Variants in AP2A1 observed in about 807,000 individuals in gnomAD.
AP2A1 encodes AP-2 complex subunit alpha-1.
A neutral mutation model predicts 107.3 loss-of-function variants in AP2A1; 21 were observed. That is an observed-to-expected ratio of 0.20 (90% CI 0.14 to 0.28). The LOEUF (loss-of-function observed/expected upper bound fraction) is 0.28. AP2A1 is among the 10% of genes least tolerant of loss of function. AP2A1 has a pLI of 1.00. For synonymous variants in AP2A1, 602 were observed against 564.8 expected (o/e 1.07, Z -0.93); for missense variants, 873 against 1,307.7 (o/e 0.67, Z 5.13).
intron 1 of AP2A1, among the ~76,000 whole-genome samples, chr19:49,772,260 T>TTTGTTTTG (rs2084569135): frequency 1.5e-5 from 2 of 130,512 alleles, no homozygotes; most frequent in African/African-American, 2.9e-5. Flanking sequence ...TTTTTTTTTT[T>TTTGTTTTG]TTTTTTTTTT....
chr19:49,797,970 C>T (rs138331849), intron 7 of AP2A1, among the ~76,000 whole-genome samples: 18 of 152,270 alleles, frequency 1.2e-4, no homozygotes, highest in African/African-American at 4.3e-4. Context: ...TCTGGACTAG[C>T]CCCCCTACAC....
In AP2A1 at chr19:49,778,465, C is replaced by A. The variant is rs371266475; in HGVS notation, c.68-3292C>A. Among the ~76,000 whole-genome samples the A allele has an allele frequency of 1.1e-4, 16 of 152,282 alleles. 2 individuals carry two copies. Among genetic ancestry groups the A allele is most frequent in the Admixed American group, 9.8e-4 (15 of 15,290 alleles). On this transcript the variant is annotated intron_variant, in intron 1 of 22. Transcript: ENST00000354293. Reference sequence around the variant, plus strand: ...GGGTGTGGTGACGCATGCCTGTCATCCCAGCTACTCAGGAGGCTGAGGTAG... The same window carrying A: ...GGGTGTGGTGACGCATGCCTGTCATACCAGCTACTCAGGAGGCTGAGGTAG...
Position 49,805,679 on chromosome 19 carries a change from G to C in AP2A1, c.2487G>C (p.Gln829His), listed in dbSNP as rs1252824900. The C allele has an allele frequency of 1.3e-6, 2 of 1,564,174 alleles. No homozygotes were observed. Among genetic ancestry groups the C allele is most frequent in the Non-Finnish European group, 1.7e-6 (2 of 1,155,324 alleles). Residue 829 changes from glutamine (Q) to histidine (H), a missense_variant, in exon 20 of 23, where the codon CAG (glutamine) becomes CAC (histidine). Physicochemically the swap from Gln to His is conservative, Grantham distance 24 (BLOSUM62 0). Coordinates refer to ENST00000354293, the MANE Select transcript of AP2A1 (RefSeq NM_130787.3). ...SVRFRYGGAP[Q>H]ALTLKLPVTI... ...TCATCAGGTACGGTGGCGCCCCCCAGGCCCTCACCCTGAAGCTCCCAGTGA... is the reference window on the plus strand; with the variant it reads ...TCATCAGGTACGGTGGCGCCCCCCACGCCCTCACCCTGAAGCTCCCAGTGA...
chr19:49,788,798 G>A lies in AP2A1; in HGVS notation c.474-3137G>A, dbSNP rs143651351. On this transcript the variant is annotated intron_variant, in intron 4 of 22. Transcript: ENST00000354293. The surrounding 1 kb of genome is among the most constrained non-coding windows in gnomAD (Gnocchi z 4.5). ...GTGGGAAAGTGCCGTCACAAATGGA[G>A]CATCGTCTGTGGCCAGGCTTCTTGC... Among the ~76,000 whole-genome samples the A allele has an allele frequency of 2.4e-4, 37 of 152,324 alleles. No individual in the cohort carries two copies. The East Asian group carries it at 6.7e-3, about 28-fold the overall frequency.
chr19:49,781,682 C>CCG, intron 1 of AP2A1, 75 bp from the exon 2 acceptor site: 1 of 1,442,852 alleles, frequency 6.9e-7, no homozygotes, highest in Non-Finnish European at 9.5e-7. Flanking sequence ...CTGGGTGGGG[C>CCG]CGCGCCTAGG....
chr19:49,795,861 C>T (rs1301303842), intron 7 of AP2A1, 123 bp downstream of exon 7: 13 of 791,782 alleles, frequency 1.6e-5, no homozygotes, highest in South Asian at 3.2e-5. Flanking sequence ...GAAGCTGGGG[C>T]GGTTCCTCTG....
rs765380954 is a variant in AP2A1 at position 49,801,928 on chromosome 19, G to C, written c.1953+39G>C. The C allele has an allele frequency of 3.4e-6, 5 of 1,458,088 alleles. No homozygotes were observed. The African/African-American group carries it at 4.3e-5, about 12-fold the overall frequency. 90.3% of individuals were successfully genotyped at this position (1,458,088 alleles called of 1,614,324 possible). A position where few individuals can be genotyped will look rare whatever the true frequency, so the allele number is the denominator to read the frequency against. On this transcript the variant is annotated intron_variant, in intron 14 of 22. Transcript: ENST00000354293. ...GGTGGGCCCTGCCAGGGTGCCTGGG[G>C]CTGGGTCCTGCCGGGCGCCGCCTGT...
intron 18 of AP2A1, chr19:49,804,541 A>G (rs901171089): frequency 4.7e-5 from 2 of 42,664 alleles, no homozygotes; most frequent in African/African-American, 1.5e-4. Context: ...CCGTCTCAGG[A>G]AAAAAAAAAA....
At chr19:49,775,861 T>C (rs2084612251) in intron 1 of AP2A1, among the ~76,000 whole-genome samples, 1 of 152,166 alleles carries the variant, frequency 6.6e-6, no homozygotes, top group African/African-American at 2.4e-5. Flanking sequence ...AAATGCACAT[T>C]AGTCCCTCCA....
At chr19:49,800,396 G>C (rs997183437) in intron 11 of AP2A1, among the ~76,000 whole-genome samples, 1 of 152,218 alleles carries the variant, frequency 6.6e-6, no homozygotes, top group Non-Finnish European at 1.5e-5. Flanking sequence ...CCTGGCCCCC[G>C]GATCTCGGTA....
At chr19:49,783,020 T>A (rs999271528) in intron 4 of AP2A1, among the ~76,000 whole-genome samples, 3 of 152,236 alleles carry the variant, frequency 2.0e-5, no homozygotes, top group African/African-American at 7.2e-5. Flanking sequence ...GTGACGGCCC[T>A]CCAGAACTTC....
chr19:49,803,365 A>G lies in AP2A1; in HGVS notation c.2333A>G (p.Asp778Gly). Residue 778 changes from aspartate to glycine, a missense_variant, in exon 18 of 23, where the codon GAC becomes GGC. Asp to Gly is a moderately conservative substitution (Grantham distance 94). This residue lies in a region of AP2A1 where 416 missense variants were observed against 473.4 expected (regional missense o/e 0.88). Transcript: ENST00000354293. ...TCACCCACTGTGGTTCACCCGGGAG[A>G]CCTCCAGACTCATATCCTCTCAGGC... ...NFSPTVVHPG[D>G]LQTQLAVQTK... 1.2e-6 allele frequency: 2 copies of G among 1,612,786 alleles called. No individual in the cohort carries two copies. Among genetic ancestry groups the G allele is most frequent in the Non-Finnish European group, 1.7e-6 (2 of 1,179,566 alleles).
At chr19:49,789,676 C>T (rs1383665009) in intron 4 of AP2A1, among the ~76,000 whole-genome samples, 10 of 151,292 alleles carry the variant, frequency 6.6e-5, no homozygotes, top group Non-Finnish European at 1.3e-4. Context: ...TCAAGTGATC[C>T]GCCTGCCTCA....
At chr19:49,792,451 G>C (rs4802626) in intron 5 of AP2A1, among the ~76,000 whole-genome samples, 20,225 of 151,120 alleles carry the variant, frequency 0.13, 1,553 homozygotes, top group East Asian at 0.23. Flanking sequence ...CCCCCTCGGC[G>C]CTGACGTTCA....
intron 1 of AP2A1, among the ~76,000 whole-genome samples, chr19:49,772,187 A>G (rs1022881484): frequency 6.8e-6 from 1 of 147,290 alleles, no homozygotes; most frequent in Non-Finnish European, 1.5e-5. Context: ...CCTCCTAAGT[A>G]GCTGGGACTA....
chr19:49,794,319 G>A (rs893000579), intron 6 of AP2A1, among the ~76,000 whole-genome samples: 3 of 148,506 alleles, frequency 2.0e-5, no homozygotes, highest in Admixed American at 1.3e-4. Flanking sequence ...AGGCTCAAGC[G>A]ATCTCTCGCC....
intron 1 of AP2A1, among the ~76,000 whole-genome samples, chr19:49,779,248 A>G (rs1485888453): frequency 2.0e-5 from 3 of 151,450 alleles, no homozygotes; most frequent in Non-Finnish European, 1.5e-5. Context: ...GAGGCAGGAC[A>G]ATTGCTTGAA....
chr19:49,799,499 T>C lies in AP2A1; in HGVS notation c.1134+4T>C, dbSNP rs1210974984. The C allele has an allele frequency of 6.2e-7, 1 of 1,610,698 alleles. No individual in the cohort carries two copies. The highest frequency in any genetic ancestry group is 1.3e-5 in the African/African-American group (1 of 75,034). The stretch of plus-strand genomic sequence containing the variant: ...CACCGTCATCAATGCCCTCAAGGTG[T>C]GAGCCCTTGGAGCCCACCCCGGGCC... On this transcript the variant is annotated splice_donor_region_variant and intron_variant, in intron 9 of 22. Transcript: ENST00000354293.
intron 22 of AP2A1, chr19:49,806,454 G>T: frequency 7.0e-7 from 1 of 1,436,038 alleles, no homozygotes; most frequent in South Asian, 1.5e-5. Context: ...TCCTCTTCCT[G>T]TCCCTCCCTG....
Sources: gnomAD v4.1 joint callset for allele counts (sites outside exome capture counted in the v4.1 genomes callset) on GRCh38, gnomAD v4.1.1 for gene constraint, gnomAD v4.1.1 regional missense constraint, Gnocchi (gnomAD v3.1) non-coding constraint, MANE v1.5 for transcripts, NCBI Gene and HGNC (gene_info 2026-07-23, HGNC 2026-07-21) for gene names.